Variants in SEMA4B observed in about 807,000 individuals in gnomAD.
SEMA4B encodes the protein semaphorin 4B.
In SEMA4B, 55 loss-of-function variants were observed where a neutral mutation model predicts 88.1. The ratio of observed to expected loss-of-function variants is 0.62; its 90% confidence interval spans 0.50 to 0.78. SEMA4B has a LOEUF of 0.78. Ranked by LOEUF, SEMA4B falls within the 30% of genes least tolerant of loss-of-function variation. The probability of loss-of-function intolerance (pLI) is 0.00; values close to 1 mark genes in which losing one functional copy is unlikely to be tolerated. For synonymous variants in SEMA4B, 525 were observed against 473.6 expected (o/e 1.11, Z -1.41); for missense variants, 1,062 against 1,111.9 (o/e 0.96, Z 0.64).
chr15:90,196,208 G>A (rs995163976), intron 1 of SEMA4B, among the ~76,000 whole-genome samples: 10 of 151,944 alleles, frequency 6.6e-5, no homozygotes, highest in African/African-American at 9.7e-5. Flanking sequence ...GATTCCAGGC[G>A]TGAGCTGCTG....
intron 1 of SEMA4B, 113 bp from the exon 2 acceptor site, chr15:90,217,326 C>T: frequency 8.9e-7 from 1 of 1,120,358 alleles, no homozygotes. Flanking sequence ...TTGCCATTGC[C>T]ACCCTTTGCC....
At chr15:90,186,181 A>C (rs1420484890) in intron 1 of SEMA4B, among the ~76,000 whole-genome samples, 1 of 151,852 alleles carries the variant, frequency 6.6e-6, no homozygotes, top group African/African-American at 2.4e-5. Context: ...TGATCCGCCC[A>C]CTTTGGCCTC....
Sources: gnomAD v4.1 joint callset for allele counts (sites outside exome capture counted in the v4.1 genomes callset) on GRCh38, gnomAD v4.1.1 for gene constraint, MANE v1.5 for transcripts, NCBI Gene and HGNC (gene_info 2026-07-23, HGNC 2026-07-21) for gene names.